GBGT1: variants seen among roughly 807,000 people sequenced by gnomAD.
The protein encoded by GBGT1 is globoside alpha-1,3-N-acetylgalactosaminyltransferase 1.
GBGT1 carries 18 observed loss-of-function variants against 20.9 expected under a neutral mutation model. The ratio of observed to expected loss-of-function variants is 0.86; its 90% CI spans 0.60 to 1.28. GBGT1 has a LOEUF of 1.28. Among genes scored for constraint, GBGT1 ranks in the 50% most tolerant of loss-of-function variants. The probability of loss-of-function intolerance (pLI) is 0.00; values close to 1 mark genes in which losing one functional copy is unlikely to be tolerated. For missense variants in GBGT1, 432 were observed against 455.7 expected, an observed-to-expected ratio of 0.95 and a Z score of 0.47; for synonymous variants, 168 against 180.8, an observed-to-expected ratio of 0.93 and a Z score of 0.57.
At chr9:133,162,064 A>G (rs1301346371) in intron 2 of GBGT1, among the ~76,000 whole-genome samples, 2 of 151,644 alleles carry the variant, frequency 1.3e-5, no homozygotes, top group Admixed American at 6.6e-5. Context: ...TGAGGAGATC[A>G]AGGTTTTGGG....
chr9:133,161,911 T>C (rs1315375504), intron 2 of GBGT1, among the ~76,000 whole-genome samples: 1 of 152,058 alleles, frequency 6.6e-6, no homozygotes, highest in Non-Finnish European at 1.5e-5. Flanking sequence ...TGAAGGATGA[T>C]CCAGGCAGAG....
At chr9:133,162,859 G>A (rs1163144247) in intron 1 of GBGT1, among the ~76,000 whole-genome samples, 1 of 152,204 alleles carries the variant, frequency 6.6e-6, no homozygotes, top group Non-Finnish European at 1.5e-5. Flanking sequence ...TGGGGAGACG[G>A]TGACCCCAGC....
chr9:133,157,157 A>G (rs1265313916), intron 3 of GBGT1, among the ~76,000 whole-genome samples: 3 of 152,014 alleles, frequency 2.0e-5, no homozygotes, highest in Non-Finnish European at 2.9e-5. Context: ...GGTGGTGTGC[A>G]CCTGTGGTCC....
In GBGT1 at chr9:133,156,071, G is replaced by A; in HGVS notation, c.138-6C>T. ...TGTAGTGCAGCTTCATGTTGCTGGTGGCAGAGGCAAGAAAGAGCCATCATC... is the reference window on the plus strand; with the variant it reads ...TGTAGTGCAGCTTCATGTTGCTGGTAGCAGAGGCAAGAAAGAGCCATCATC... On this transcript the variant is annotated splice_polypyrimidine_tract_variant and splice_region_variant and intron_variant, in intron 3 of 6. Coordinates refer to ENST00000372040, the MANE Select transcript of GBGT1 (RefSeq NM_021996.6). The A allele has an allele frequency of 6.2e-7, 1 of 1,613,964 alleles. No homozygotes were observed. Among genetic ancestry groups the A allele is most frequent in the Non-Finnish European group, 8.5e-7 (1 of 1,179,946 alleles).
chr9:133,156,883 A>G (rs1832886177), intron 3 of GBGT1, among the ~76,000 whole-genome samples: 1 of 152,158 alleles, frequency 6.6e-6, no homozygotes, highest in South Asian at 2.1e-4. Flanking sequence ...GGTCTGTGAA[A>G]GTATTTTGTA....
Position 133,154,834 on chromosome 9 carries a change from C to T in GBGT1, c.359+344G>A, listed in dbSNP as rs945247807. 1.2e-4 allele frequency: 28 copies of T among 229,662 alleles called. No individual in the cohort carries two copies. The highest frequency in any genetic ancestry group is 8.7e-4 in the Admixed American group (17 of 19,566). 14.2% of individuals were successfully genotyped at this position (229,662 alleles called of 1,614,324 possible). ...AGAGGCCCAGAGGAAGGCTGCCAAG[C>T]GGCAGCTCCTAAAGGAAGGCCAGGT... is the stretch of plus-strand genomic sequence containing the variant. On this transcript the variant is annotated intron_variant, in intron 6 of 6. Coordinates refer to ENST00000372040, the MANE Select transcript of GBGT1 (RefSeq NM_021996.6). This position sits in a 1 kb window ranked among gnomAD's most constrained non-coding sequence, Gnocchi z 4.2.
chr9:133,156,388 G>A (rs1238536869), intron 3 of GBGT1, among the ~76,000 whole-genome samples: 1 of 152,230 alleles, frequency 6.6e-6, no homozygotes, highest in Non-Finnish European at 1.5e-5. Flanking sequence ...AGGGCCAGGC[G>A]CGGTGGCTCA....
At chr9:133,163,312 A>G (rs1450213777) in intron 1 of GBGT1, 1 of 152,132 alleles carries the variant, frequency 6.6e-6, no homozygotes, top group Non-Finnish European at 1.5e-5. Context: ...ACGCGCCTCA[A>G]CTCGCTGGCT....
At chr9:133,160,090 G>C (rs948306372) in intron 3 of GBGT1, 1 of 260,692 alleles carries the variant, frequency 3.8e-6, no homozygotes, top group Non-Finnish European at 8.3e-6. Flanking sequence ...AGGGGGCAAA[G>C]ACCAACCTGG....
rs559727404 is a variant in GBGT1, at chr9:133,162,096, G to A, written c.71+246C>T. Among the ~76,000 whole-genome samples, 548 of 151,266 alleles carry A rather than the reference G, an allele frequency of 3.6e-3. 8 individuals carry two copies. Among genetic ancestry groups the A allele is most frequent in the African/African-American group, 0.013 (522 of 41,134 alleles). On this transcript the variant is annotated intron_variant, in intron 2 of 6. Coordinates refer to ENST00000372040, the MANE Select transcript of GBGT1 (RefSeq NM_021996.6). ...TGGGGTTGATCTGCAGAGACAGGGG[G>A]AGTCCTGGGTGGGGATAGAGACAGG... is the stretch of plus-strand genomic sequence containing the variant.
Position 133,155,225 on chromosome 9 carries a change from G to A in GBGT1, c.312C>T (p.Tyr104=). Reference sequence around the variant, plus strand: ...CCCCAATGGTCAGGTTCAGTGGCTGGTAGATGTGCTGCAGAAGCTCTGGGT... The same window carrying A: ...CCCCAATGGTCAGGTTCAGTGGCTGATAGATGTGCTGCAGAAGCTCTGGGT... The part of the protein sequence containing the change: ...TFNPELLQHI[Y]QPLNLTIGVT... The change falls in exon 6 of 7, where the codon TAC becomes TAT. Residue 104 remains tyrosine (Y), a synonymous_variant. Transcript: ENST00000372040. 6.2e-7 allele frequency: 1 copy of A among 1,614,052 alleles called. No individual in the cohort carries two copies. The highest frequency in any genetic ancestry group is 8.5e-7 in the Non-Finnish European group (1 of 1,179,978).
chr9:133,161,012 GAAAAAA>G (rs10537325), intron 3 of GBGT1: 5 of 339,052 alleles, frequency 1.5e-5, no homozygotes, highest in African/African-American at 7.0e-5. Context: ...TCTGACTCAA[GAAAAAA>G]AAAAAAAAGA....
intron 5 of GBGT1, among the ~76,000 whole-genome samples, chr9:133,155,627 T>C: frequency 6.6e-6 from 1 of 152,312 alleles, no homozygotes; most frequent in South Asian, 2.1e-4. Context: ...GCAAGCACGG[T>C]GCAGATGTTA....
intron 3 of GBGT1, among the ~76,000 whole-genome samples, chr9:133,159,563 G>A (rs903178654): frequency 1.3e-5 from 2 of 152,176 alleles, no homozygotes; most frequent in Non-Finnish European, 2.9e-5. Flanking sequence ...GGGCGAGTTG[G>A]GACGACCCCT....
At chr9:133,157,126 C>T (rs937484423) in intron 3 of GBGT1, among the ~76,000 whole-genome samples, 15 of 151,890 alleles carry the variant, frequency 9.9e-5, no homozygotes, top group African/African-American at 3.4e-4. Context: ...TCTACAAAAA[C>T]AACAAAAATT....
Position 133,153,219 on chromosome 9 carries a change from A to G in GBGT1, c.*358T>C. ...GTATTAGAAATGCTACGTTAAGGGC[A>G]ATATGCAATAAACGGGGGACTGGCG... On this transcript the variant is annotated 3_prime_UTR_variant, in exon 7 of 7. Coordinates refer to ENST00000372040, the MANE Select transcript of GBGT1 (RefSeq NM_021996.6). The G allele has an allele frequency of 5.1e-6, 1 of 197,314 alleles. No homozygotes were observed. The highest frequency in any genetic ancestry group is 1.0e-5 in the Non-Finnish European group (1 of 97,770). 12.2% of individuals were successfully genotyped at this position (197,314 alleles called of 1,614,324 possible).
chr9:133,163,589 A>T (rs1222523277), intron 1 of GBGT1, 165 bp downstream of exon 1: 1 of 152,880 alleles, frequency 6.5e-6, no homozygotes, highest in Admixed American at 6.5e-5. Context: ...GCGAACGCAG[A>T]GCCCAGCCCC....
chr9:133,161,733 A>G (rs772449179), intron 2 of GBGT1, among the ~76,000 whole-genome samples: 3 of 152,204 alleles, frequency 2.0e-5, no homozygotes, highest in Non-Finnish European at 4.4e-5. Flanking sequence ...CCTGCCATGC[A>G]GTCATTCATT....
intron 3 of GBGT1, chr9:133,160,383 A>G (rs540947978): frequency 6.6e-6 from 1 of 152,224 alleles, no homozygotes; most frequent in African/African-American, 2.4e-5. Context: ...TTTTGTTTTC[A>G]TAACCTCTGG....
Sources: gnomAD v4.1 joint callset for allele counts (sites outside exome capture counted in the v4.1 genomes callset) on GRCh38, gnomAD v4.1.1 for gene constraint, Gnocchi (gnomAD v3.1) non-coding constraint, MANE v1.5 for transcripts, NCBI Gene and HGNC (gene_info 2026-07-23, HGNC 2026-07-21) for gene names.